Variants in PTPRD observed in about 807,000 individuals in gnomAD.
The protein encoded by PTPRD is receptor-type tyrosine-protein phosphatase delta.
A neutral mutation model predicts 214.5 loss-of-function variants in PTPRD; 34 were observed. The ratio of observed to expected loss-of-function variants is 0.16; its 90% CI spans 0.12 to 0.21. The LOEUF is 0.21. PTPRD is among the 10% of genes least tolerant of loss of function. The probability of loss-of-function intolerance (pLI) is 1.00; values close to 1 mark genes in which losing one functional copy is unlikely to be tolerated. For synonymous variants in PTPRD, 1,128 were observed against 845.7 expected (o/e 1.33, Z -5.79); for missense variants, 2,545 against 2,398.7 (o/e 1.06, Z -1.27).
intron 2 of PTPRD, among the ~76,000 whole-genome samples, chr9:10,555,309 T>A (rs910243929): frequency 6.6e-6 from 1 of 152,206 alleles, no homozygotes; most frequent in Non-Finnish European, 1.5e-5. Context: ...ACTCATTAGT[T>A]ACAGGTACAA....
intron 6 of PTPRD, among the ~76,000 whole-genome samples, chr9:9,741,152 G>C (rs758024257): frequency 1.3e-5 from 2 of 152,148 alleles, no homozygotes; most frequent in African/African-American, 2.4e-5. Context: ...AATGTATTGA[G>C]TTTGAAAACG....
chr9:10,224,166 G>A (rs957712723), intron 3 of PTPRD, among the ~76,000 whole-genome samples: 1 of 151,874 alleles, frequency 6.6e-6, no homozygotes, highest in African/African-American at 2.4e-5. Flanking sequence ...CATTCTGTTT[G>A]TTGAATGCTT....
chr9:10,149,567 C>T (rs1395174707), intron 3 of PTPRD, among the ~76,000 whole-genome samples: 1 of 152,116 alleles, frequency 6.6e-6, no homozygotes, highest in Non-Finnish European at 1.5e-5. Flanking sequence ...CGTACTCCTG[C>T]CTAGTCCCCA....
intron 7 of PTPRD, among the ~76,000 whole-genome samples, chr9:9,708,250 G>T (rs1469184515): frequency 2.0e-5 from 3 of 151,974 alleles, no homozygotes. Context: ...CATCAGTGAT[G>T]CATTCAGCTA....
intron 14 of PTPRD, among the ~76,000 whole-genome samples, chr9:8,540,064 C>A (rs530143195): frequency 1.3e-5 from 2 of 152,156 alleles, no homozygotes; most frequent in African/African-American, 2.4e-5. Flanking sequence ...GGCATCATGT[C>A]GGCAATTAAC....
intron 7 of PTPRD, among the ~76,000 whole-genome samples, chr9:9,615,167 C>T (rs190810040): frequency 4.9e-4 from 75 of 152,258 alleles, no homozygotes; most frequent in African/African-American, 1.8e-3. Flanking sequence ...CCTTGGACTC[C>T]CTGGGCAAGC....
At chr9:10,223,106 A>G (rs1594671482) in intron 3 of PTPRD, among the ~76,000 whole-genome samples, 1 of 151,886 alleles carries the variant, frequency 6.6e-6, no homozygotes, top group South Asian at 2.1e-4. Context: ...CTATTCAATT[A>G]CTTTGTTTCT....
intron 4 of PTPRD, among the ~76,000 whole-genome samples, chr9:9,964,136 T>C (rs924009358): frequency 3.4e-5 from 4 of 118,244 alleles, no homozygotes; most frequent in Non-Finnish European, 8.1e-5. Context: ...GTATGGGCTT[T>C]TGAAATATAA....
At chr9:9,723,513 T>C (rs543088691) in intron 7 of PTPRD, among the ~76,000 whole-genome samples, 14 of 152,224 alleles carry the variant, frequency 9.2e-5, no homozygotes, top group South Asian at 6.2e-4. Flanking sequence ...TTCTGGGTCC[T>C]TGACAATGCC....
intron 9 of PTPRD, among the ~76,000 whole-genome samples, chr9:9,238,016 C>T (rs1169154228): frequency 1.3e-5 from 2 of 151,736 alleles, no homozygotes; most frequent in South Asian, 4.1e-4. Flanking sequence ...CCTTCAAGTC[C>T]CTTTCTCCTC....
intron 10 of PTPRD, among the ~76,000 whole-genome samples, chr9:9,026,735 T>C (rs145403274): frequency 6.0e-4 from 91 of 152,100 alleles, no homozygotes; most frequent in African/African-American, 2.2e-3. Flanking sequence ...TAGCTTTATG[T>C]AGGGATTAGA....
At chr9:9,580,541 TATTTTC>T (rs2090436967) in intron 7 of PTPRD, among the ~76,000 whole-genome samples, 1 of 143,728 alleles carries the variant, frequency 7.0e-6, no homozygotes, top group South Asian at 2.1e-4. Flanking sequence ...TAGCTTACTT[TATTTTC>T]TTTTTTTTTT....
intron 2 of PTPRD, among the ~76,000 whole-genome samples, chr9:10,580,645 ACT>A (rs1281363441): frequency 1.3e-5 from 2 of 152,098 alleles, no homozygotes; most frequent in Admixed American, 1.3e-4. Context: ...ATTGGGTGTA[ACT>A]CTCATATTCT....
intron 7 of PTPRD, among the ~76,000 whole-genome samples, chr9:9,595,109 G>A (rs1057325895): frequency 1.3e-5 from 2 of 151,532 alleles, no homozygotes; most frequent in Non-Finnish European, 2.9e-5. Context: ...TAGATGCGGT[G>A]AACAGGGAAC....
At chr9:8,449,899 C>T (rs774774257) in intron 33 of PTPRD, 62 bp from the exon 34 acceptor site, 54 of 1,514,642 alleles carry the variant, frequency 3.6e-5, no homozygotes, top group Non-Finnish European at 3.0e-5. Flanking sequence ...GATAGAAAAG[C>T]AGAGAATTGC....
intron 2 of PTPRD, among the ~76,000 whole-genome samples, chr9:10,347,586 T>G (rs144383146): frequency 8.6e-5 from 13 of 151,922 alleles, no homozygotes; most frequent in African/African-American, 3.1e-4. Flanking sequence ...AATTTTTACA[T>G]TTTTAGTAGA....
chr9:10,496,262 G>A (rs539093798), intron 2 of PTPRD, among the ~76,000 whole-genome samples: 1 of 151,668 alleles, frequency 6.6e-6, no homozygotes, highest in East Asian at 1.9e-4. Context: ...TGCCAGTTAA[G>A]ACAAAAACAC....
intron 2 of PTPRD, among the ~76,000 whole-genome samples, chr9:10,367,429 C>T (rs552124828): frequency 6.6e-6 from 1 of 152,020 alleles, no homozygotes; most frequent in Admixed American, 6.6e-5. Flanking sequence ...ACTGTGTTAC[C>T]GTTTGAGCCA....
intron 11 of PTPRD, among the ~76,000 whole-genome samples, chr9:8,900,177 A>G (rs2098656035): frequency 6.6e-6 from 1 of 152,212 alleles, no homozygotes; most frequent in Non-Finnish European, 1.5e-5. Context: ...TATTTCATAA[A>G]ATAATTAGGT....
Sources: gnomAD v4.1 joint callset for allele counts (sites outside exome capture counted in the v4.1 genomes callset) on GRCh38, gnomAD v4.1.1 for gene constraint, MANE v1.5 for transcripts, NCBI Gene and HGNC (gene_info 2026-07-23, HGNC 2026-07-21) for gene names.